Variants in RXRA observed in about 807,000 individuals in gnomAD.
The protein encoded by RXRA is retinoid X receptor alpha, also known as retinoic acid receptor RXR-alpha.
A neutral mutation model predicts 44.5 loss-of-function variants in RXRA; 5 were observed. That is an observed-to-expected ratio of 0.11 (90% CI 0.06 to 0.24). RXRA has a LOEUF of 0.24. Ranked by LOEUF, RXRA falls within the 10% of genes least tolerant of loss-of-function variation. RXRA has a pLI of 1.00. For synonymous variants in RXRA, 291 were observed against 271.4 expected (o/e 1.07, Z -0.71); for missense variants, 412 against 646.5 (o/e 0.64, Z 3.93).
rs547694990 is a variant in RXRA at position 134,358,364 on chromosome 9, G to A, written c.28+31705G>A. Reference sequence around the variant, plus strand: ...GCTCAGGGCCAACAGGCCTCCCTCAGCCTGGGTAGGGTGGAGCTGGAGGGA... The same window carrying A: ...GCTCAGGGCCAACAGGCCTCCCTCAACCTGGGTAGGGTGGAGCTGGAGGGA... On this transcript the variant is annotated intron_variant, in intron 1 of 9. Coordinates refer to ENST00000481739, the MANE Select transcript of RXRA (RefSeq NM_002957.6). Among the ~76,000 whole-genome samples the A allele has an allele frequency of 2.0e-5, 3 of 152,400 alleles. No homozygotes were observed. The South Asian group carries it at 6.2e-4, about 32-fold the overall frequency.
chr9:134,374,618 G>A (rs546614054), intron 1 of RXRA, among the ~76,000 whole-genome samples: 1 of 152,342 alleles, frequency 6.6e-6, no homozygotes, highest in Admixed American at 6.5e-5. Context: ...AGCAAATGCC[G>A]TTCCCTCTGT....
intron 1 of RXRA, among the ~76,000 whole-genome samples, chr9:134,390,009 T>A (rs1041706621): frequency 7.9e-5 from 12 of 152,098 alleles, no homozygotes; most frequent in African/African-American, 2.9e-4. Context: ...TGCCGATTGG[T>A]GGGATTGGGA....
At chr9:134,362,099 G>A (rs1830359142) in intron 1 of RXRA, among the ~76,000 whole-genome samples, 1 of 152,158 alleles carries the variant, frequency 6.6e-6, no homozygotes, top group African/African-American at 2.4e-5. Context: ...TGCTCTCCCT[G>A]GACTGCCTGC....
Position 134,388,345 on chromosome 9 carries a change from G to T in RXRA, c.29-13287G>T, listed in dbSNP as rs537785143. The stretch of plus-strand genomic sequence containing the variant: ...GGCACACGTGTTGGGGTCACTACGG[G>T]CATCTGGTGCTGGGTCAGGCACTCT... On this transcript the variant is annotated intron_variant, in intron 1 of 9. Transcript: ENST00000481739. 2.6e-5 allele frequency among the ~76,000 whole-genome samples: 4 copies of T among 151,658 alleles called. No individual in the cohort carries two copies. The East Asian group carries it at 7.8e-4, about 29-fold the overall frequency.
At chr9:134,369,111 T>TATA (rs1564272843) in intron 1 of RXRA, among the ~76,000 whole-genome samples, 1 of 20,758 alleles carries the variant, frequency 4.8e-5, no homozygotes, top group Non-Finnish European at 8.7e-5. Flanking sequence ...GTGTGTGGGG[T>TATA]TGTGTGTGAG....
chr9:134,333,311 G>A (rs3818730), intron 1 of RXRA, among the ~76,000 whole-genome samples: 58,415 of 152,110 alleles, frequency 0.38, 12,682 homozygotes, highest in African/African-American at 0.59. Context: ...GAGGGATGCC[G>A]GGAAGCCCTT....
chr9:134,343,646 C>CTG lies in RXRA; in HGVS notation c.28+16989_28+16990dup, dbSNP rs1830114268. 6.6e-6 allele frequency among the ~76,000 whole-genome samples: 1 copy of CTG among 152,162 alleles called. No individual in the cohort carries two copies. The highest frequency in any genetic ancestry group is 1.5e-5 in the Non-Finnish European group (1 of 68,012). ...GGCTTGAGGGGTCACGTCCCCTGCC[C>CTG]TGTCCCCATCTTGCTCAGTGGCCAG... On this transcript the variant is annotated intron_variant, in intron 1 of 9. Coordinates refer to ENST00000481739, the MANE Select transcript of RXRA (RefSeq NM_002957.6). The surrounding 1 kb of genome is among the most constrained non-coding windows in gnomAD (Gnocchi z 4.1).
intron 1 of RXRA, among the ~76,000 whole-genome samples, chr9:134,374,434 C>T (rs1464541915): frequency 6.6e-6 from 1 of 152,210 alleles, no homozygotes; most frequent in Non-Finnish European, 1.5e-5. Context: ...AATCGCAGGC[C>T]ACCCTCCTGG....
chr9:134,415,043 T>C (rs1831211848), intron 4 of RXRA, among the ~76,000 whole-genome samples: 2 of 152,186 alleles, frequency 1.3e-5, no homozygotes, highest in Non-Finnish European at 2.9e-5. Context: ...CCACCCACCA[T>C]CAGGTTTCCA....
intron 9 of RXRA, among the ~76,000 whole-genome samples, chr9:134,435,507 A>G (rs914770455): frequency 1.3e-5 from 2 of 151,840 alleles, no homozygotes; most frequent in Non-Finnish European, 2.9e-5. Context: ...GCTGTGCCCA[A>G]TGCCAGCAGA....
intron 1 of RXRA, among the ~76,000 whole-genome samples, chr9:134,393,635 G>A (rs1185289813): frequency 6.6e-6 from 1 of 152,212 alleles, no homozygotes; most frequent in Non-Finnish European, 1.5e-5. Context: ...CCCATGGTGG[G>A]CTTCTCAGGG....
At chr9:134,395,025 A>T (rs2119129345) in intron 1 of RXRA, among the ~76,000 whole-genome samples, 1 of 152,302 alleles carries the variant, frequency 6.6e-6, no homozygotes, top group African/African-American at 2.4e-5. Context: ...GGGGGACCAA[A>T]CTCACAGAGG....
At chr9:134,337,321 T>TGTCC (rs1554747462) in intron 1 of RXRA, among the ~76,000 whole-genome samples, 2 of 152,176 alleles carry the variant, frequency 1.3e-5, no homozygotes, top group Non-Finnish European at 2.9e-5. Flanking sequence ...CTCATCTGTC[T>TGTCC]GTCCGTCCGT....
intron 1 of RXRA, among the ~76,000 whole-genome samples, chr9:134,375,738 G>A (rs952519754): frequency 3.3e-5 from 5 of 152,044 alleles, no homozygotes; most frequent in African/African-American, 1.2e-4. Context: ...GGGTGAGGGC[G>A]ATTTGGAAGC....
At chr9:134,395,679 T>TGGACCTCCCCATGGGGCCC (rs1830867381) in intron 1 of RXRA, among the ~76,000 whole-genome samples, 1 of 152,192 alleles carries the variant, frequency 6.6e-6, no homozygotes, top group Non-Finnish European at 1.5e-5. Context: ...GGTGGGGGGC[T>TGGACCTCCCCATGGGGCCC]GGACCTCCCC....
chr9:134,388,949 G>A (rs1564281308), intron 1 of RXRA, among the ~76,000 whole-genome samples: 1 of 152,146 alleles, frequency 6.6e-6, no homozygotes, highest in African/African-American at 2.4e-5. Flanking sequence ...ACACATTTCT[G>A]GCTCCTCTCC....
At position 134,376,254 on chromosome 9, in the gene RXRA, A is replaced by T. The variant is rs564809281; in HGVS notation, c.29-25378A>T. On this transcript the variant is annotated intron_variant, in intron 1 of 9. Transcript: ENST00000481739. ...GGGGCCTGCCCATGCCAGCTGTCGC[A>T]CCTCGCAGTGCCCAGGGTTGTGGGG... is the stretch of plus-strand genomic sequence containing the variant. Among the ~76,000 whole-genome samples the T allele has an allele frequency of 1.7e-3, 265 of 152,018 alleles. 2 individuals are homozygous for T. Among genetic ancestry groups the T allele is most frequent in the African/African-American group, 6.2e-3 (256 of 41,454 alleles).
At chr9:134,377,465 G>A (rs1448876223) in intron 1 of RXRA, among the ~76,000 whole-genome samples, 2 of 152,312 alleles carry the variant, frequency 1.3e-5, no homozygotes, top group Middle Eastern at 3.4e-3. Flanking sequence ...TCAGCCCTGC[G>A]TGTGCTGGCA....
intron 1 of RXRA, among the ~76,000 whole-genome samples, chr9:134,339,961 GTC>G (rs1554747926): frequency 6.6e-6 from 1 of 152,154 alleles, no homozygotes; most frequent in Non-Finnish European, 1.5e-5. Flanking sequence ...GTGTGAGCCT[GTC>G]TGTGTGCACC....
Sources: allele counts gnomAD v4.1 joint callset (sites outside exome capture counted in the v4.1 genomes callset), GRCh38; gene constraint gnomAD v4.1.1; non-coding constraint Gnocchi (gnomAD v3.1); transcripts MANE v1.5; gene names NCBI Gene and HGNC (gene_info 2026-07-23, HGNC 2026-07-21).